Variants in FLRT3 observed in about 807,000 individuals in gnomAD.
FLRT3 encodes the protein leucine-rich repeat transmembrane protein FLRT3.
In FLRT3, 17 loss-of-function variants were observed where a neutral mutation model predicts 42.6. The observed-to-expected ratio is 0.40, with a 90% confidence interval of 0.27 to 0.60. FLRT3 has a LOEUF of 0.60. Among genes scored for constraint, FLRT3 ranks in the 20% least tolerant of loss-of-function variants. The pLI is 0.44. For missense variants in FLRT3, 635 were observed against 789.2 expected (o/e 0.80, Z 2.34); for synonymous variants, 279 against 286.4 (o/e 0.97, Z 0.26).
rs982043142 is a variant in FLRT3 at position 14,334,204 on chromosome 20, T to C, written c.-247+3200A>G. ...CGTAAATAGATAACTCAAAGTTCTT[T>C]CTTACACAACATAAACATAGCTTTG... On this transcript the variant is annotated intron_variant, in intron 1 of 2. Transcript: ENST00000341420. 3.3e-5 allele frequency among the ~76,000 whole-genome samples: 5 copies of C among 152,234 alleles called. No individual in the cohort carries two copies. The South Asian group carries it at 6.2e-4, about 19-fold the overall frequency.
rs2082728424 is a variant in FLRT3 at position 14,326,059 on chromosome 20, T to G, written c.1448A>C (p.Glu483Ala). The G allele has an allele frequency of 6.2e-7, 1 of 1,613,832 alleles. No homozygotes were observed. Among genetic ancestry groups the G allele is most frequent in the Non-Finnish European group, 8.5e-7 (1 of 1,179,896 alleles). Residue 483 changes from glutamate (E) to alanine (A), a missense_variant, in exon 3 of 3, where the codon GAA (glutamate) becomes GCA (alanine). Transcript: ENST00000341420. This position sits in a 1 kb window ranked among gnomAD's most constrained non-coding sequence, Gnocchi z 5.5. ...SPYKVCMVPM[E>A]TSNLYLFDET... ...ATCAAATAGGTAGAGGTTGCTGGTT[T>G]CCATGGGAACCATGCATACTTTATA...
At chr20:14,329,021 C>A (rs183340543) in intron 2 of FLRT3, 113 bp downstream of exon 2, 1 of 152,040 alleles carries the variant, frequency 6.6e-6, no homozygotes, top group African/African-American at 2.4e-5. Context: ...ATTCATGATG[C>A]TAAGGCCTGT....
In FLRT3 at chr20:14,325,039, C is replaced by CA. The variant is rs1425683520; in HGVS notation, c.*517dup. On this transcript the variant is annotated 3_prime_UTR_variant, in exon 3 of 3. Coordinates refer to ENST00000341420, the MANE Select transcript of FLRT3 (RefSeq NM_198391.3). ...TTTATTGAATACCACTGGGATAATA[C>CA]AAATTTAATAATTGGAACATTATTT... 6.6e-6 allele frequency: 1 copy of CA among 152,374 alleles called. No individual in the cohort carries two copies. Among genetic ancestry groups the CA allele is most frequent in the Admixed American group, 6.6e-5 (1 of 15,240 alleles). The allele number at this position is 152,374 out of a possible 1,614,324, so 9.4% of individuals were successfully genotyped here.
Position 14,334,757 on chromosome 20 carries a change from T to C in FLRT3, c.-247+2647A>G, listed in dbSNP as rs192469994. 2.0e-5 allele frequency among the ~76,000 whole-genome samples: 3 copies of C among 152,120 alleles called. 1 individual carries two copies. The East Asian group carries it at 5.8e-4, about 29-fold the overall frequency. On this transcript the variant is annotated intron_variant, in intron 1 of 2. Transcript: ENST00000341420. ...TTATTTCCATTGTTGACTTTATTTATGGTAGTCTTCATTTGATTTAAACAG... is the reference window on the plus strand; with the variant it reads ...TTATTTCCATTGTTGACTTTATTTACGGTAGTCTTCATTTGATTTAAACAG...
rs769042467 is a variant in FLRT3 at position 14,327,188 on chromosome 20, T to G, written c.319A>C (p.Lys107Gln). 6.2e-7 allele frequency: 1 copy of G among 1,613,714 alleles called. No homozygotes were observed. Among genetic ancestry groups the G allele is most frequent in the Admixed American group, 1.7e-5 (1 of 59,964 alleles). Reference sequence around the variant, plus strand: ...TTATTTTCTTGCAAATGTAACTCTTTTACATACTTTGGGAGGTTGGTAGGA... The same window carrying G: ...TTATTTTCTTGCAAATGTAACTCTTGTACATACTTTGGGAGGTTGGTAGGA... The part of the protein sequence containing the change: ...EFPTNLPKYV[K>Q]ELHLQENNIR... The change falls in exon 3 of 3, where the codon AAA (lysine) becomes CAA (glutamine). Residue 107 changes from lysine to glutamine, a missense_variant. By Grantham distance (53) the Lys-to-Gln change is moderately conservative. Coordinates refer to ENST00000341420, the MANE Select transcript of FLRT3 (RefSeq NM_198391.3).
At chr20:14,336,459 G>A (rs1162533766) in intron 1 of FLRT3, among the ~76,000 whole-genome samples, 2 of 152,060 alleles carry the variant, frequency 1.3e-5, no homozygotes, top group Non-Finnish European at 2.9e-5. Context: ...CTAATTCAGT[G>A]AACAAAATTT....
Position 14,323,018 on chromosome 20 carries a change from C to T in FLRT3, c.*2539G>A, listed in dbSNP as rs2082679387. The T allele has an allele frequency of 6.6e-6, 1 of 152,112 alleles. No individual in the cohort carries two copies. Among genetic ancestry groups the T allele is most frequent in the South Asian group, 2.1e-4 (1 of 4,828 alleles). 9.4% of individuals were successfully genotyped at this position (152,112 alleles called of 1,614,324 possible). On this transcript the variant is annotated 3_prime_UTR_variant, in exon 3 of 3. Coordinates refer to ENST00000341420, the MANE Select transcript of FLRT3 (RefSeq NM_198391.3). ...TGTATGTGTGTTTAATTCTCTCATT[C>T]AACAATAATCAACATAGAAGACTTG...
chr20:14,327,000 A>T lies in FLRT3; in HGVS notation c.507T>A (p.Ile169=). The T allele has an allele frequency of 6.2e-7, 1 of 1,613,686 alleles. No individual in the cohort carries two copies. Among genetic ancestry groups the T allele is most frequent in the Non-Finnish European group, 8.5e-7 (1 of 1,179,770 alleles). ...CTATAGTCCTGGGCAAACCCCAGGGAATTGTGCTAAGGTGATTACGGGACA... is the reference window on the plus strand; with the variant it reads ...CTATAGTCCTGGGCAAACCCCAGGGTATTGTGCTAAGGTGATTACGGGACA... ...LFLSRNHLST[I]PWGLPRTIEE... Residue 169 remains isoleucine (I), a synonymous_variant, in exon 3 of 3, where the codon ATT becomes ATA. Transcript: ENST00000341420. This position sits in a 1 kb window ranked among gnomAD's most constrained non-coding sequence, Gnocchi z 5.5.
Position 14,326,943 on chromosome 20 carries a change from G to A in FLRT3, c.564C>T (p.Ser188=), listed in dbSNP as rs373400980. 10 of 1,613,738 alleles carry A rather than the reference G, an allele frequency of 6.2e-6. No homozygotes were observed. Among genetic ancestry groups the A allele is most frequent in the Non-Finnish European group, 8.5e-6 (10 of 1,179,786 alleles). ...CTTGAAGAGATGGTGATGAAATAGT[G>A]GATATGCGATTATCATCCAAGCGTA... The part of the protein sequence containing the change: ...EELRLDDNRI[S]TISSPSLQGL... Residue 188 remains serine (S), a synonymous_variant, in exon 3 of 3, where the codon TCC becomes TCT. Transcript: ENST00000341420. The surrounding 1 kb of genome is among the most constrained non-coding windows in gnomAD (Gnocchi z 5.5).
At position 14,325,767 on chromosome 20, in the gene FLRT3, A is replaced by G. The variant is rs780823484; in HGVS notation, c.1740T>C (p.Thr580=). Reference sequence around the variant, plus strand: ...TTTCCAGGATAGAGTTGTCCTTCTTAGTGCCAGCTTCTGCATAGTCATCCT... The same window carrying G: ...TTTCCAGGATAGAGTTGTCCTTCTTGGTGCCAGCTTCTGCATAGTCATCCT... ...RRKDDYAEAG[T]KKDNSILEIR... The change falls in exon 3 of 3, where the codon ACT becomes ACC. Residue 580 remains threonine, a synonymous_variant. Coordinates refer to ENST00000341420, the MANE Select transcript of FLRT3 (RefSeq NM_198391.3). The G allele has an allele frequency of 6.2e-7, 1 of 1,613,910 alleles. No homozygotes were observed. The highest frequency in any genetic ancestry group is 1.1e-5 in the South Asian group (1 of 91,082).
chr20:14,331,422 C>T (rs1056442714), intron 1 of FLRT3, among the ~76,000 whole-genome samples: 2 of 152,036 alleles, frequency 1.3e-5, no homozygotes, highest in African/African-American at 2.4e-5. Flanking sequence ...TCACATTTGC[C>T]ATTCATACAA....
intron 1 of FLRT3, among the ~76,000 whole-genome samples, 175 bp from the exon 2 acceptor site, chr20:14,329,502 A>G (rs554064508): frequency 6.6e-6 from 1 of 152,212 alleles, no homozygotes; most frequent in Non-Finnish European, 1.5e-5. Flanking sequence ...TTATACAAAT[A>G]AAGTAGGAGC....
Position 14,326,952 on chromosome 20 carries a change from A to G in FLRT3, c.555T>C (p.Asn185=). The part of the protein sequence containing the change: ...RTIEELRLDD[N]RISTISSPSL... ...ATGGTGATGAAATAGTGGATATGCG[A>G]TTATCATCCAAGCGTAGTTCTTCTA... Residue 185 remains asparagine (N), a synonymous_variant, in exon 3 of 3, where the codon AAT becomes AAC. Coordinates refer to ENST00000341420, the MANE Select transcript of FLRT3 (RefSeq NM_198391.3). This position sits in a 1 kb window ranked among gnomAD's most constrained non-coding sequence, Gnocchi z 5.5. 1 of 1,613,772 alleles carries G rather than the reference A, an allele frequency of 6.2e-7. No individual in the cohort carries two copies. Among genetic ancestry groups the G allele is most frequent in the Non-Finnish European group, 8.5e-7 (1 of 1,179,784 alleles).
chr20:14,330,206 T>G (rs571674221), intron 1 of FLRT3, among the ~76,000 whole-genome samples: 1 of 152,156 alleles, frequency 6.6e-6, no homozygotes, highest in African/African-American at 2.4e-5. Flanking sequence ...AAAGAAGACT[T>G]TTGGCTTGAC....
rs2082808964 is a variant in FLRT3 at position 14,330,180 on chromosome 20, G to A, written c.-246-853C>T. 1.3e-5 allele frequency among the ~76,000 whole-genome samples: 2 copies of A among 151,984 alleles called. 1 individual carries two copies. Among genetic ancestry groups the A allele is most frequent in the South Asian group, 4.1e-4 (2 of 4,824 alleles). ...TGAATATTGCCAGTTTTTAATAAGT[G>A]TATTTTTCATTTCCAAAAGAAGACT... On this transcript the variant is annotated intron_variant, in intron 1 of 2. Coordinates refer to ENST00000341420, the MANE Select transcript of FLRT3 (RefSeq NM_198391.3).
chr20:14,336,998 C>A (rs1201706060), intron 1 of FLRT3, among the ~76,000 whole-genome samples: 3 of 152,180 alleles, frequency 2.0e-5, no homozygotes, highest in Admixed American at 6.5e-5. Flanking sequence ...TATTGATTTT[C>A]TTTCACAGTT....
intron 2 of FLRT3, among the ~76,000 whole-genome samples, chr20:14,327,895 T>C (rs1256132861): frequency 2.0e-5 from 3 of 152,128 alleles, no homozygotes; most frequent in African/African-American, 7.2e-5. Context: ...CTGATCAAGC[T>C]AATTGAATAT....
rs1172888076 is a variant in FLRT3, at chr20:14,325,122, T to G, written c.*435A>C. Reference sequence around the variant, plus strand: ...ATTCAGCCATTCAGCCAGTTTTTTTTTTTTACATTTTATTAATACCAAAGT... The same window carrying G: ...ATTCAGCCATTCAGCCAGTTTTTTTGTTTTACATTTTATTAATACCAAAGT... On this transcript the variant is annotated 3_prime_UTR_variant, in exon 3 of 3. Transcript: ENST00000341420. 1 of 152,982 alleles carries G rather than the reference T, an allele frequency of 6.5e-6. No individual in the cohort carries two copies. Among genetic ancestry groups the G allele is most frequent in the African/African-American group, 2.4e-5 (1 of 41,458 alleles). 9.5% of individuals were successfully genotyped at this position (152,982 alleles called of 1,614,324 possible).
chr20:14,328,477 A>G (rs931686916), intron 2 of FLRT3, among the ~76,000 whole-genome samples: 6 of 152,092 alleles, frequency 3.9e-5, no homozygotes, highest in Admixed American at 3.9e-4. Context: ...CAAAGTATAG[A>G]TTTATACTGA....
Sources: allele counts gnomAD v4.1 joint callset (sites outside exome capture counted in the v4.1 genomes callset), GRCh38; gene constraint gnomAD v4.1.1; non-coding constraint Gnocchi (gnomAD v3.1); transcripts MANE v1.5; gene names NCBI Gene and HGNC (gene_info 2026-07-23, HGNC 2026-07-21).